Variants in CALD1 observed in about 807,000 individuals in gnomAD.
CALD1 encodes caldesmon.
CALD1 carries 33 observed loss-of-function variants against 99.9 expected under a neutral mutation model. That is an observed-to-expected ratio of 0.33 (90% CI 0.25 to 0.44). The LOEUF (loss-of-function observed/expected upper bound fraction) is 0.44. Among genes scored for constraint, CALD1 ranks in the 20% least tolerant of loss-of-function variants. The pLI, the probability that CALD1 is intolerant of heterozygous loss-of-function variation, is 1.00. For synonymous variants in CALD1, 310 were observed against 325.0 expected (o/e 0.95, Z 0.50); for missense variants, 861 against 962.1 (o/e 0.89, Z 1.39).
chr7:134,967,046 T>C (rs1275813676), intron 14 of CALD1, among the ~76,000 whole-genome samples: 1 of 152,170 alleles, frequency 6.6e-6, no homozygotes, highest in Non-Finnish European at 1.5e-5. Context: ...GAAAAGCAGA[T>C]GTCAGCTGGC....
intron 1 of CALD1, among the ~76,000 whole-genome samples, chr7:134,781,460 C>T (rs1797101210): frequency 6.6e-6 from 1 of 152,046 alleles, no homozygotes. Context: ...CCAAGTAACA[C>T]TTTAGGTGTT....
At chr7:134,862,612 G>T (rs768346279) in intron 2 of CALD1, among the ~76,000 whole-genome samples, 5 of 152,176 alleles carry the variant, frequency 3.3e-5, no homozygotes, top group Admixed American at 6.5e-5. Flanking sequence ...GGTTTTTAGG[G>T]CAGTGAAGCT....
the CALD1 span, among the ~76,000 whole-genome samples, chr7:134,712,872 T>TA: frequency 6.6e-6 from 1 of 152,216 alleles, no homozygotes; most frequent in African/African-American, 2.4e-5. Flanking sequence ...AGAAAGTCGT[T>TA]AAAATCCAAG....
At chr7:134,903,287 A>G (rs1408586607) in intron 3 of CALD1, among the ~76,000 whole-genome samples, 1 of 152,056 alleles carries the variant, frequency 6.6e-6, no homozygotes, top group Non-Finnish European at 1.5e-5. Context: ...AATGTAAACT[A>G]TGGACTTTGG....
chr7:134,773,276 CTT>C (rs11345428), intron 1 of CALD1, among the ~76,000 whole-genome samples: 3,001 of 138,044 alleles, frequency 0.022, 88 homozygotes, highest in African/African-American at 0.066. Context: ...TTTTTCTGAA[CTT>C]TTTTTTTTTT....
chr7:134,928,159 C>A, intron 3 of CALD1: 1 of 242,334 alleles, frequency 4.1e-6, no homozygotes, highest in Non-Finnish European at 8.9e-6. Context: ...AGGCCAGGCC[C>A]GGTGGCTCAC....
At chr7:134,750,882 T>G (rs1268726409) in intron 1 of CALD1, among the ~76,000 whole-genome samples, 1 of 152,236 alleles carries the variant, frequency 6.6e-6, no homozygotes, top group Non-Finnish European at 1.5e-5. Flanking sequence ...GTTTCTGTTT[T>G]TGGGTTACTC....
chr7:134,818,753 A>G (rs977312882), intron 1 of CALD1, among the ~76,000 whole-genome samples: 5 of 152,334 alleles, frequency 3.3e-5, no homozygotes, highest in African/African-American at 4.8e-5. Context: ...ATGTAACTCA[A>G]TGACCCACCA....
At chr7:134,918,925 A>C (rs1804418310) in intron 3 of CALD1, among the ~76,000 whole-genome samples, 1 of 152,182 alleles carries the variant, frequency 6.6e-6, no homozygotes, top group Non-Finnish European at 1.5e-5. Context: ...GAATGAACCC[A>C]GGAGGTCGAG....
chr7:134,938,939 A>G (rs1806211160), intron 6 of CALD1, among the ~76,000 whole-genome samples: 1 of 152,208 alleles, frequency 6.6e-6, no homozygotes, highest in African/African-American at 2.4e-5. Context: ...TTCTGACTGC[A>G]ACATAGGATA....
chr7:134,828,506 T>C (rs1171673363), intron 1 of CALD1, among the ~76,000 whole-genome samples: 1 of 152,174 alleles, frequency 6.6e-6, no homozygotes, highest in Non-Finnish European at 1.5e-5. Context: ...CAAAACTGCA[T>C]CATCTGTTCC....
upstream of CALD1, among the ~76,000 whole-genome samples, chr7:134,775,048 T>A (rs1426022484): frequency 6.6e-6 from 1 of 152,142 alleles, no homozygotes; most frequent in African/African-American, 2.4e-5. Flanking sequence ...TCACCTTCAA[T>A]TTTTTTCTAA....
At chr7:134,956,541 C>T (rs1416196835) in intron 9 of CALD1, among the ~76,000 whole-genome samples, 1 of 152,192 alleles carries the variant, frequency 6.6e-6, no homozygotes, top group Admixed American at 6.5e-5. Flanking sequence ...ATCTGCAAAC[C>T]ATGAAGAGAG....
Position 134,947,780 on chromosome 7 carries a change from C to T in CALD1, c.1794+11C>T. ...AAACTCAGAGAGGAGGTAAGGCGGG[C>T]GCTAGCCCACTGAGAACGTTGCCCG... On this transcript the variant is annotated intron_variant, in intron 8 of 14. Transcript: ENST00000361675. The T allele has an allele frequency of 3.7e-6, 6 of 1,609,092 alleles. No homozygotes were observed. Among genetic ancestry groups the T allele is most frequent in the South Asian group, 1.1e-5 (1 of 90,814 alleles).
intron 4 of CALD1, among the ~76,000 whole-genome samples, chr7:134,932,376 C>G (rs779757132): frequency 6.6e-6 from 1 of 152,184 alleles, no homozygotes; most frequent in Non-Finnish European, 1.5e-5. Context: ...TTCTAGATGA[C>G]TTGATGACAT....
chr7:134,888,186 A>C (rs898917936), intron 3 of CALD1, among the ~76,000 whole-genome samples: 3 of 152,224 alleles, frequency 2.0e-5, no homozygotes, highest in African/African-American at 7.2e-5. Context: ...ATTAAACAAT[A>C]AAGTGTCCAG....
rs1055360402 is a variant in CALD1, at chr7:134,831,990, G to C, written c.-129-11894G>C. On this transcript the variant is annotated intron_variant, in intron 1 of 14. Transcript: ENST00000361675. Reference sequence around the variant, plus strand: ...TTAAAGAGAGAAGGTCGAGTGTCCCGTATAACCGTGATCCTAGGACTTTTA... The same window carrying C: ...TTAAAGAGAGAAGGTCGAGTGTCCCCTATAACCGTGATCCTAGGACTTTTA... 3.3e-5 allele frequency among the ~76,000 whole-genome samples: 5 copies of C among 152,182 alleles called. 1 individual carries two copies. The highest frequency in any genetic ancestry group is 3.3e-4 in the Admixed American group (5 of 15,280).
intron 3 of CALD1, among the ~76,000 whole-genome samples, chr7:134,880,333 A>AT (rs1285453168): frequency 6.6e-6 from 1 of 152,158 alleles, no homozygotes; most frequent in Non-Finnish European, 1.5e-5. Context: ...CAGTCAACCC[A>AT]TTTTTTATTC....
intron 1 of CALD1, among the ~76,000 whole-genome samples, chr7:134,750,610 G>GA (rs893164811): frequency 1.5e-4 from 23 of 150,978 alleles, no homozygotes; most frequent in Admixed American, 2.6e-4. Context: ...GCTATTAACA[G>GA]AAAAAAAAAT....
Sources: gnomAD v4.1 joint callset for allele counts (sites outside exome capture counted in the v4.1 genomes callset) on GRCh38, gnomAD v4.1.1 for gene constraint, MANE v1.5 for transcripts, NCBI Gene and HGNC (gene_info 2026-07-23, HGNC 2026-07-21) for gene names.